MAF: variants seen among roughly 807,000 people sequenced by gnomAD.
MAF encodes transcription factor Maf.
MAF carries 10 observed loss-of-function variants against 22.0 expected under a neutral mutation model. The observed-to-expected ratio is 0.45, with a 90% CI of 0.28 to 0.77. MAF has a LOEUF of 0.77. Among genes scored for constraint, MAF ranks in the 30% least tolerant of loss-of-function variants. MAF has a pLI of 0.12. For missense variants in MAF, 544 were observed against 548.4 expected, an observed-to-expected ratio of 0.99 and a Z score of 0.08; for synonymous variants, 337 against 255.8, an observed-to-expected ratio of 1.32 and a Z score of -3.03.
chr16:79,241,879 G>T, the MAF span, among the ~76,000 whole-genome samples: 2 of 151,940 alleles, frequency 1.3e-5, no homozygotes, highest in Admixed American at 6.6e-5. Flanking sequence ...AGAGAGTGGG[G>T]GCCAATATTC....
chr16:79,594,907 C>T, intron 1 of MAF: 2 of 1,156,048 alleles, frequency 1.7e-6, no homozygotes, highest in Non-Finnish European at 1.1e-6. Context: ...ATTCAACTAC[C>T]TTGTAGATTC....
At chr16:79,203,483 C>CGG in the MAF span, 2 of 148,492 alleles carry the variant, frequency 1.3e-5, no homozygotes, top group Non-Finnish European at 3.0e-5. Context: ...GTGGCCCCAG[C>CGG]GGAGACCTTG....
the MAF span, among the ~76,000 whole-genome samples, chr16:79,352,366 G>A: frequency 6.6e-6 from 1 of 152,150 alleles, no homozygotes; most frequent in African/African-American, 2.4e-5. Flanking sequence ...GTTGGTCCAT[G>A]GCTGGGAGTA....
the MAF span, among the ~76,000 whole-genome samples, chr16:79,434,894 C>G: frequency 6.6e-6 from 1 of 152,130 alleles, no homozygotes; most frequent in Non-Finnish European, 1.5e-5. Flanking sequence ...TATCGAGGTA[C>G]TGGATGCTTC....
the MAF span, among the ~76,000 whole-genome samples, chr16:79,305,075 G>A: frequency 6.6e-6 from 1 of 152,212 alleles, no homozygotes; most frequent in African/African-American, 2.4e-5. Flanking sequence ...TGTGGAATGA[G>A]TAATTACAGC....
At chr16:79,581,803 G>A (rs138954817), downstream of MAF, among the ~76,000 whole-genome samples, 5 of 152,134 alleles carry the variant, frequency 3.3e-5, no homozygotes, top group African/African-American at 1.2e-4. Flanking sequence ...TGCACCCCTG[G>A]ATTGTTAATT....
chr16:79,376,684 C>A, the MAF span, among the ~76,000 whole-genome samples: 19 of 152,076 alleles, frequency 1.2e-4, no homozygotes, highest in African/African-American at 2.7e-4. Flanking sequence ...CTCCTCCCCC[C>A]ACCCTACAAC....
the MAF span, among the ~76,000 whole-genome samples, chr16:79,328,145 G>A: frequency 6.6e-6 from 1 of 152,238 alleles, no homozygotes; most frequent in Non-Finnish European, 1.5e-5. Context: ...ATTAGCACCT[G>A]ACATAGGGTA....
chr16:79,472,835 A>G, the MAF span, among the ~76,000 whole-genome samples: 6 of 151,904 alleles, frequency 3.9e-5, no homozygotes, highest in Non-Finnish European at 5.9e-5. Flanking sequence ...AAGAAAGAAA[A>G]AACCCTGCCA....
At chr16:79,557,409 G>A in the MAF span, among the ~76,000 whole-genome samples, 2 of 152,010 alleles carry the variant, frequency 1.3e-5, no homozygotes, top group African/African-American at 4.8e-5. Context: ...AGCAAAAACA[G>A]CTCTGGCCAT....
chr16:79,542,846 G>C, the MAF span, among the ~76,000 whole-genome samples: 2 of 152,222 alleles, frequency 1.3e-5, no homozygotes, highest in African/African-American at 4.8e-5. Context: ...TAAGAAAGGA[G>C]TGTCAAGGCA....
chr16:79,550,936 C>A, the MAF span, among the ~76,000 whole-genome samples: 1 of 152,174 alleles, frequency 6.6e-6, no homozygotes, highest in African/African-American at 2.4e-5. Flanking sequence ...GGGGCCACTG[C>A]AGACTCTTTC....
chr16:79,570,594 C>T, the MAF span, among the ~76,000 whole-genome samples: 1 of 152,214 alleles, frequency 6.6e-6, no homozygotes, highest in Non-Finnish European at 1.5e-5. Flanking sequence ...ATCTGGGAAG[C>T]TCACGCAATG....
chr16:79,214,624 C>G, the MAF span, among the ~76,000 whole-genome samples: 1 of 145,046 alleles, frequency 6.9e-6, no homozygotes, highest in Non-Finnish European at 1.5e-5. Context: ...CCAGGCTGGT[C>G]TTGAACTCCT....
At chr16:79,270,836 C>G in the MAF span, among the ~76,000 whole-genome samples, 1 of 151,786 alleles carries the variant, frequency 6.6e-6, no homozygotes, top group South Asian at 2.1e-4. Flanking sequence ...TATACACAGA[C>G]ACAGACAGAG....
At chr16:79,221,083 T>C in the MAF span, among the ~76,000 whole-genome samples, 1 of 152,246 alleles carries the variant, frequency 6.6e-6, no homozygotes, top group Admixed American at 6.5e-5. Flanking sequence ...TTTGATAGTG[T>C]TCATTGTTCT....
chr16:79,545,880 G>C, the MAF span, among the ~76,000 whole-genome samples: 6 of 152,194 alleles, frequency 3.9e-5, no homozygotes, highest in East Asian at 9.7e-4. Context: ...TGCTTAGAGA[G>C]TAGATTTTAA....
At chr16:79,252,640 G>C in the MAF span, among the ~76,000 whole-genome samples, 25,632 of 151,954 alleles carry the variant, frequency 0.17, 3,507 homozygotes, top group African/African-American at 0.38. Context: ...TAGGCTCTCG[G>C]TACCACGCTT....
chr16:79,388,405 G>C, the MAF span, among the ~76,000 whole-genome samples: 2 of 152,302 alleles, frequency 1.3e-5, no homozygotes, highest in African/African-American at 4.8e-5. Flanking sequence ...TTGTCTTCAA[G>C]TGGAGGATTC....
Sources: gnomAD v4.1 joint callset for allele counts (sites outside exome capture counted in the v4.1 genomes callset) on GRCh38, gnomAD v4.1.1 for gene constraint, MANE v1.5 for transcripts, NCBI Gene and HGNC (gene_info 2026-07-23, HGNC 2026-07-21) for gene names.